Variants in DLGAP2 observed in about 807,000 individuals in gnomAD.
DLGAP2 encodes disks large-associated protein 2.
In DLGAP2, 26 loss-of-function variants were observed where a neutral mutation model predicts 100.3. That is an observed-to-expected ratio of 0.26 (90% confidence interval 0.19 to 0.36). DLGAP2 has a LOEUF of 0.36. Among genes scored for constraint, DLGAP2 ranks in the 10% least tolerant of loss-of-function variants. The pLI is 1.00. For synonymous variants in DLGAP2, 886 were observed against 630.1 expected (o/e 1.41, Z -6.08); for missense variants, 1,858 against 1,453.2 (o/e 1.28, Z -4.53).
intron 8 of DLGAP2, among the ~76,000 whole-genome samples, chr8:1,637,446 C>G (rs1797794951): frequency 6.6e-6 from 1 of 151,960 alleles, no homozygotes; most frequent in Admixed American, 6.6e-5. Context: ...AGCCTCAGGT[C>G]ATAGCTTTCC....
intron 8 of DLGAP2, among the ~76,000 whole-genome samples, chr8:1,652,140 G>A (rs1198507004): frequency 2.0e-5 from 3 of 152,302 alleles, no homozygotes; most frequent in Non-Finnish European, 4.4e-5. Flanking sequence ...CCATAAACCT[G>A]GTGCTAAGGA....
intron 8 of DLGAP2, among the ~76,000 whole-genome samples, chr8:1,662,183 A>G (rs556200347): frequency 3.3e-5 from 5 of 152,224 alleles, no homozygotes; most frequent in Non-Finnish European, 2.9e-5. Flanking sequence ...CAAATATTCG[A>G]AGGCCTCTTT....
chr8:1,371,289 T>C (rs995849115), intron 3 of DLGAP2, among the ~76,000 whole-genome samples: 1 of 152,226 alleles, frequency 6.6e-6, no homozygotes, highest in Non-Finnish European at 1.5e-5. Flanking sequence ...TCGGCCTCTA[T>C]TTCTAGTAAC....
chr8:791,959 T>TA lies in DLGAP2; in HGVS notation c.18+54135dup, dbSNP rs775380806. On this transcript the variant is annotated intron_variant, in intron 1 of 14. Transcript: ENST00000637795. ...GTTTCCTAAGAATGGGGATGTCTGT[T>TA]ACATAATCACGGTGCAGCTGTCACT... Among the ~76,000 whole-genome samples the TA allele has an allele frequency of 7.9e-5, 12 of 152,342 alleles. No homozygotes were observed. In the South Asian group the frequency reaches 1.2e-3, roughly 16 times the overall value.
intron 3 of DLGAP2, among the ~76,000 whole-genome samples, chr8:1,344,379 C>T (rs989965567): frequency 2.6e-5 from 4 of 152,198 alleles, no homozygotes; most frequent in African/African-American, 7.2e-5. Flanking sequence ...GCTGTGAATC[C>T]TCCAGAGAGG....
At chr8:822,717 G>A (rs1213817943) in intron 1 of DLGAP2, among the ~76,000 whole-genome samples, 1 of 152,192 alleles carries the variant, frequency 6.6e-6, no homozygotes, top group African/African-American at 2.4e-5. Flanking sequence ...GGAAGCTGGT[G>A]GTGTGTGGGG....
At chr8:1,265,531 G>T (rs189776298) in intron 3 of DLGAP2, among the ~76,000 whole-genome samples, 2 of 152,172 alleles carry the variant, frequency 1.3e-5, no homozygotes, top group Non-Finnish European at 2.9e-5. Flanking sequence ...GAAAGGAGAA[G>T]CAGCATTAGT....
chr8:1,237,153 TGGCGCCGTG>T (rs2116848596), intron 2 of DLGAP2, among the ~76,000 whole-genome samples: 1 of 133,798 alleles, frequency 7.5e-6, no homozygotes, highest in African/African-American at 3.1e-5. Flanking sequence ...TTCTCTCACA[TGGCGCCGTG>T]TCTAGTTCTC....
At chr8:895,705 C>T (rs1798133825) in intron 1 of DLGAP2, among the ~76,000 whole-genome samples, 1 of 152,156 alleles carries the variant, frequency 6.6e-6, no homozygotes, top group African/African-American at 2.4e-5. Flanking sequence ...GGTTATGGGA[C>T]AGGAGGCTGC....
intron 6 of DLGAP2, among the ~76,000 whole-genome samples, chr8:1,623,650 G>C (rs1043890826): frequency 6.6e-6 from 1 of 151,882 alleles, no homozygotes; most frequent in Non-Finnish European, 1.5e-5. Flanking sequence ...TGGCACCAGT[G>C]TGTGATGACC....
At chr8:1,054,655 T>C (rs1802824504) in intron 2 of DLGAP2, among the ~76,000 whole-genome samples, 1 of 152,194 alleles carries the variant, frequency 6.6e-6, no homozygotes, top group African/African-American at 2.4e-5. Flanking sequence ...CAGATAACAA[T>C]TGACTGCTTA....
In DLGAP2 at chr8:1,649,748, A is replaced by G. The variant is rs548929698; in HGVS notation, c.1810+16702A>G. On this transcript the variant is annotated intron_variant, in intron 8 of 14. Coordinates refer to ENST00000637795, the MANE Select transcript of DLGAP2 (RefSeq NM_001346810.2). ...TTCATCCTAACATAGGTATTAAGAT[A>G]GAGGATCGTGCTGTGCTTTTTAAAC... 3.9e-4 allele frequency among the ~76,000 whole-genome samples: 59 copies of G among 152,250 alleles called. 1 individual carries two copies. The highest frequency in any genetic ancestry group is 8.1e-4 in the Non-Finnish European group (55 of 68,050).
chr8:1,700,030 T>C, intron 14 of DLGAP2, among the ~76,000 whole-genome samples: 1 of 152,198 alleles, frequency 6.6e-6, no homozygotes, highest in East Asian at 1.9e-4. Flanking sequence ...CCCCCCATTG[T>C]TTTAGATGGA....
At chr8:881,979 C>G (rs956327979) in intron 1 of DLGAP2, among the ~76,000 whole-genome samples, 11 of 152,188 alleles carry the variant, frequency 7.2e-5, no homozygotes, top group Admixed American at 2.6e-4. Context: ...CTCATAGCCT[C>G]GTGTGGTATA....
At chr8:776,420 C>T (rs1417049732) in intron 1 of DLGAP2, among the ~76,000 whole-genome samples, 1 of 151,988 alleles carries the variant, frequency 6.6e-6, no homozygotes, top group Non-Finnish European at 1.5e-5. Context: ...TCTTGCTTTT[C>T]TAGTTCTTTG....
chr8:881,764 G>A (rs1214341764), intron 1 of DLGAP2, among the ~76,000 whole-genome samples: 1 of 149,354 alleles, frequency 6.7e-6, no homozygotes, highest in Non-Finnish European at 1.5e-5. Flanking sequence ...TGATCCACCC[G>A]CCTCAGCCTC....
chr8:1,167,727 G>A (rs1797046523), intron 2 of DLGAP2, among the ~76,000 whole-genome samples: 1 of 152,106 alleles, frequency 6.6e-6, no homozygotes. Flanking sequence ...ACATTGTTGG[G>A]CATCAGCATC....
chr8:1,201,888 T>C (rs774746198), intron 2 of DLGAP2, among the ~76,000 whole-genome samples: 74 of 152,088 alleles, frequency 4.9e-4, no homozygotes, highest in Non-Finnish European at 5.7e-4. Context: ...TGTAAGCATG[T>C]GGTGTGTATG....
intron 2 of DLGAP2, among the ~76,000 whole-genome samples, chr8:928,110 G>A (rs1469380569): frequency 2.0e-5 from 3 of 152,200 alleles, no homozygotes; most frequent in African/African-American, 7.2e-5. Flanking sequence ...ACTGGGGAGG[G>A]CGCCAGCCTG....
Sources: gnomAD v4.1 joint callset for allele counts (sites outside exome capture counted in the v4.1 genomes callset) on GRCh38, gnomAD v4.1.1 for gene constraint, MANE v1.5 for transcripts, NCBI Gene and HGNC (gene_info 2026-07-23, HGNC 2026-07-21) for gene names.